TMEM169: variants seen among roughly 807,000 people sequenced by gnomAD.
TMEM169 encodes transmembrane protein 169.
A neutral mutation model predicts 27.3 loss-of-function variants in TMEM169; 18 were observed. The observed-to-expected ratio is 0.66, with a 90% CI of 0.46 to 0.98. The LOEUF is 0.98. TMEM169 is among the 50% of genes least tolerant of loss of function. The probability of loss-of-function intolerance (pLI) is 0.00; values close to 1 mark genes in which losing one functional copy is unlikely to be tolerated. For synonymous variants in TMEM169, 136 were observed against 142.1 expected (o/e 0.96, Z 0.30); for missense variants, 320 against 368.6 (o/e 0.87, Z 1.08).
intron 1 of TMEM169, among the ~76,000 whole-genome samples, chr2:216,095,281 TTTTGCCATG>T (rs1696238358): frequency 6.6e-6 from 1 of 151,884 alleles, no homozygotes; most frequent in Admixed American, 6.6e-5. Flanking sequence ...AGAGATGGGG[TTTTGCCATG>T]TTGGCCAGGC....
intron 1 of TMEM169, among the ~76,000 whole-genome samples, chr2:216,094,505 ACG>A (rs1480876007): frequency 1.3e-5 from 2 of 152,228 alleles, no homozygotes; most frequent in Non-Finnish European, 2.9e-5. Flanking sequence ...ATGGCCATTA[ACG>A]GGCTGTTAAC....
rs545973213 is a variant in TMEM169 at position 216,102,623 on chromosome 2, C to CT, written c.*2095dup. The CT allele has an allele frequency of 0.014, 1,890 of 139,682 alleles. 13 individuals carry two copies. Among genetic ancestry groups the CT allele is most frequent in the African/African-American group, 0.026 (966 of 37,876 alleles). 8.7% of individuals were successfully genotyped at this position (139,682 alleles called of 1,614,324 possible). A position where few individuals can be genotyped will look rare whatever the true frequency, so the allele number is the denominator to read the frequency against. The stretch of plus-strand genomic sequence containing the variant: ...AGCTCCACCTTCAGAGGAACTCTCT[C>CT]TTTTTTTTTTTTTTAAATAACTATT... On this transcript the variant is annotated 3_prime_UTR_variant, in exon 3 of 3. Coordinates refer to ENST00000437356, the MANE Select transcript of TMEM169 (RefSeq NM_001142311.2).
chr2:216,095,318 C>T (rs1016420957), intron 1 of TMEM169, among the ~76,000 whole-genome samples: 5 of 151,804 alleles, frequency 3.3e-5, no homozygotes, highest in Non-Finnish European at 7.4e-5. Flanking sequence ...AAACTCCTGA[C>T]CTCAGGTGAT....
In TMEM169 at chr2:216,095,768, C is replaced by T. The variant is rs2105986131; in HGVS notation, c.-126-70C>T. The T allele has an allele frequency of 1.4e-5, 8 of 556,660 alleles. No individual in the cohort carries two copies. In the South Asian group the frequency reaches 1.5e-4, roughly 10 times the overall value. 34.5% of individuals were successfully genotyped at this position (556,660 alleles called of 1,614,324 possible). A position where few individuals can be genotyped will look rare whatever the true frequency, so the allele number is the denominator to read the frequency against. ...GGAAGGCTTCTGCTAAGTTGAGGATCGTTTCCCACATTCCTGTCCATCTCA... is the reference window on the plus strand; with the variant it reads ...GGAAGGCTTCTGCTAAGTTGAGGATTGTTTCCCACATTCCTGTCCATCTCA... On this transcript the variant is annotated intron_variant, in intron 1 of 2. Coordinates refer to ENST00000437356, the MANE Select transcript of TMEM169 (RefSeq NM_001142311.2).
rs368056286 is a variant in TMEM169 at position 216,100,302 on chromosome 2, C to T, written c.654C>T (p.Ile218=). The change falls in exon 3 of 3, where the codon ATC becomes ATT. Residue 218 remains isoleucine, a synonymous_variant. Transcript: ENST00000437356. ...TCGTTCTCTTCTATCCAGTGCTCAT[C>T]ATGGCCATGGCTTCTTCCCTCGGCC... ...PCLVLFYPVL[I]MAMASSLGLY... 17 of 1,613,818 alleles carry T rather than the reference C, an allele frequency of 1.1e-5. 2 individuals carry two copies. Among genetic ancestry groups the T allele is most frequent in the Non-Finnish European group, 1.4e-5 (17 of 1,180,000 alleles).
chr2:216,098,929 GGT>G lies in TMEM169; in HGVS notation c.272-982_272-981del, dbSNP rs1036293430. On this transcript the variant is annotated intron_variant, in intron 2 of 2. Coordinates refer to ENST00000437356, the MANE Select transcript of TMEM169 (RefSeq NM_001142311.2). Reference sequence around the variant, plus strand: ...TGTAGTGTGGTATGTATGGGTATGTGGTGTGTGTGTAGAATGTGTATATATGT... The same window carrying G: ...TGTAGTGTGGTATGTATGGGTATGTGGTGTGTGTAGAATGTGTATATATGT... Among the ~76,000 whole-genome samples, 6 of 150,196 alleles carry G rather than the reference GGT, an allele frequency of 4.0e-5. 1 individual carries two copies. Among genetic ancestry groups the G allele is most frequent in the South Asian group, 4.2e-4 (2 of 4,780 alleles).
At chr2:216,095,653 A>G (rs1190856995) in intron 1 of TMEM169, among the ~76,000 whole-genome samples, 185 bp from the exon 2 acceptor site, 2 of 152,256 alleles carry the variant, frequency 1.3e-5, no homozygotes, top group African/African-American at 4.8e-5. Flanking sequence ...AATGACAAAA[A>G]TATTACTGTA....
chr2:216,096,812 A>G (rs912109479), intron 2 of TMEM169, among the ~76,000 whole-genome samples: 1 of 152,256 alleles, frequency 6.6e-6, no homozygotes, highest in East Asian at 1.9e-4. Flanking sequence ...TAACACAAGC[A>G]GACTATGCTA....
intron 1 of TMEM169, among the ~76,000 whole-genome samples, chr2:216,092,865 G>A (rs1696166926): frequency 6.6e-6 from 1 of 152,106 alleles, no homozygotes; most frequent in South Asian, 2.1e-4. Context: ...CCCAAGCTGT[G>A]ATCATTGCAC....
rs567245934 is a variant in TMEM169, at chr2:216,094,270, G to A, written c.-126-1568G>A. Among the ~76,000 whole-genome samples the A allele has an allele frequency of 5.3e-5, 8 of 152,270 alleles. No homozygotes were observed. In the South Asian group the frequency reaches 1.2e-3, roughly 24 times the overall value. ...AAAGTGGGGAATTTTTTGGTAAATC[G>A]CTTGGAAACTTTTTATATCCATAGC... On this transcript the variant is annotated intron_variant, in intron 1 of 2. Coordinates refer to ENST00000437356, the MANE Select transcript of TMEM169 (RefSeq NM_001142311.2).
intron 2 of TMEM169, among the ~76,000 whole-genome samples, chr2:216,096,657 C>A (rs1273374830): frequency 6.6e-6 from 1 of 152,116 alleles, no homozygotes; most frequent in Non-Finnish European, 1.5e-5. Flanking sequence ...GAGCCACTGA[C>A]CTGGTGCAAT....
chr2:216,096,196 A>G lies in TMEM169; in HGVS notation c.233A>G (p.Glu78Gly). ...GAAGGTGGAGATCAGCCTAAAGAGG[A>G]GGAGGGAGATGATTTCCTAGACTAT... ...ESEGGDQPKE[E>G]EGDDFLDYPV... The change falls in exon 2 of 3, where the codon GAG becomes GGG. Residue 78 changes from glutamate to glycine, a missense_variant. Coordinates refer to ENST00000437356, the MANE Select transcript of TMEM169 (RefSeq NM_001142311.2). 1.2e-6 allele frequency: 2 copies of G among 1,614,136 alleles called. No individual in the cohort carries two copies. The highest frequency in any genetic ancestry group is 1.7e-6 in the Non-Finnish European group (2 of 1,180,012).
intron 1 of TMEM169, among the ~76,000 whole-genome samples, chr2:216,091,674 C>T (rs765895983): frequency 1.1e-4 from 16 of 151,848 alleles, no homozygotes; most frequent in Admixed American, 3.3e-4. Flanking sequence ...CCTACCAAAC[C>T]CCTAAACTTG....
Position 216,096,034 on chromosome 2 carries a change from C to T in TMEM169, c.71C>T (p.Ala24Val), listed in dbSNP as rs1696254690. ...PSPHQGSLRK[A>V]VAAALALDGE... is the part of the protein sequence containing the mutation. ...CCCCACCAGGGCTCTCTCAGGAAGG[C>T]TGTGGCTGCTGCCCTGGCGCTGGAT... is the stretch of plus-strand genomic sequence containing the variant. The change falls in exon 2 of 3, where the codon GCT becomes GTT. Residue 24 changes from alanine to valine, a missense_variant. Transcript: ENST00000437356. The T allele has an allele frequency of 6.2e-7, 1 of 1,614,074 alleles. No individual in the cohort carries two copies. Among genetic ancestry groups the T allele is most frequent in the South Asian group, 1.1e-5 (1 of 91,088 alleles).
chr2:216,102,153 A>G lies in TMEM169; in HGVS notation c.*1611A>G, dbSNP rs1427094381. The G allele has an allele frequency of 6.6e-6, 1 of 152,176 alleles. No homozygotes were observed. The highest frequency in any genetic ancestry group is 2.4e-5 in the African/African-American group (1 of 41,422). 9.4% of individuals were successfully genotyped at this position (152,176 alleles called of 1,614,324 possible). On this transcript the variant is annotated 3_prime_UTR_variant, in exon 3 of 3. Transcript: ENST00000437356. The stretch of plus-strand genomic sequence containing the variant: ...TAAAGACCAGGAAGGGAGGAATTGC[A>G]TCTGCCAAAGTTTCCTCCAACAGCG...
chr2:216,100,610 T>C lies in TMEM169; in HGVS notation c.*68T>C. ...ATATCATCTTAAAATTCCAGCAGAT[T>C]ATTTCTTTAAATTACCCCCTACTCT... On this transcript the variant is annotated 3_prime_UTR_variant, in exon 3 of 3. Transcript: ENST00000437356. The C allele has an allele frequency of 6.2e-7, 1 of 1,600,050 alleles. No homozygotes were observed. The highest frequency in any genetic ancestry group is 8.5e-7 in the Non-Finnish European group (1 of 1,173,090).
intron 1 of TMEM169, among the ~76,000 whole-genome samples, chr2:216,087,785 A>G (rs550526909): frequency 1.3e-5 from 2 of 152,348 alleles, no homozygotes; most frequent in African/African-American, 2.4e-5. Flanking sequence ...TTGGCACACA[A>G]TAAACATCCA....
intron 2 of TMEM169, among the ~76,000 whole-genome samples, chr2:216,096,965 A>G (rs10498045): frequency 0.31 from 47,461 of 152,174 alleles, 8,028 homozygotes; most frequent in East Asian, 0.66. Context: ...TAGGCTTGCC[A>G]AAAATTGGGT....
intron 1 of TMEM169, among the ~76,000 whole-genome samples, chr2:216,090,473 T>C (rs922509564): frequency 1.3e-5 from 2 of 152,148 alleles, no homozygotes; most frequent in Non-Finnish European, 2.9e-5. Flanking sequence ...CTAGCCTCAT[T>C]CAAGCCTTCA....
Sources: allele counts gnomAD v4.1 joint callset (sites outside exome capture counted in the v4.1 genomes callset), GRCh38; gene constraint gnomAD v4.1.1; transcripts MANE v1.5; gene names NCBI Gene and HGNC (gene_info 2026-07-23, HGNC 2026-07-21).